The following RORA variants were observed in gnomAD, a reference collection of about 807,000 sequenced individuals.
The protein encoded by RORA is nuclear receptor ROR-alpha.
In RORA, 7 loss-of-function variants were observed where a neutral mutation model predicts 69.5. That is an observed-to-expected ratio of 0.10 (90% CI 0.06 to 0.19). The LOEUF is 0.19. RORA is among the 10% of genes least tolerant of loss of function. The pLI, the probability that RORA is intolerant of heterozygous loss-of-function variation, is 1.00. For missense variants in RORA, 457 were observed against 663.0 expected, an observed-to-expected ratio of 0.69 and a Z score of 3.41; for synonymous variants, 261 against 240.8, an observed-to-expected ratio of 1.08 and a Z score of -0.78.
intron 1 of RORA, among the ~76,000 whole-genome samples, chr15:60,728,259 T>A (rs2071388167): frequency 6.6e-6 from 1 of 152,194 alleles, no homozygotes; most frequent in Admixed American, 6.5e-5. Context: ...TAAAATACTT[T>A]TTTGCTTTGT....
intron 2 of RORA, among the ~76,000 whole-genome samples, chr15:60,590,170 C>CCTCT (rs1426237027): frequency 3.3e-4 from 34 of 101,568 alleles, no homozygotes; most frequent in South Asian, 1.2e-3. Context: ...TCTCCCTCTT[C>CCTCT]CTCTATCTCT....
At chr15:61,024,338 C>A in intron 1 of RORA, among the ~76,000 whole-genome samples, 1 of 126,938 alleles carries the variant, frequency 7.9e-6, no homozygotes, top group South Asian at 2.6e-4. Context: ...CGCTGGAGTG[C>A]AGTGGTTCAG....
chr15:60,832,710 T>C (rs1470310983), intron 1 of RORA, among the ~76,000 whole-genome samples: 1 of 152,104 alleles, frequency 6.6e-6, no homozygotes, highest in African/African-American at 2.4e-5. Flanking sequence ...AATTTAAATA[T>C]GCCAGAGGAA....
intron 1 of RORA, among the ~76,000 whole-genome samples, chr15:61,180,502 A>G (rs2140903556): frequency 6.6e-6 from 1 of 152,290 alleles, no homozygotes; most frequent in Admixed American, 6.5e-5. Flanking sequence ...CACAGTGTTC[A>G]CAACTTTCTA....
intron 2 of RORA, among the ~76,000 whole-genome samples, chr15:60,567,410 A>T (rs948513407): frequency 6.7e-5 from 10 of 148,274 alleles, no homozygotes; most frequent in African/African-American, 2.2e-4. Context: ...TATTATTATT[A>T]TTATTATTTT....
At chr15:61,146,459 T>TAC (rs5813074) in intron 1 of RORA, among the ~76,000 whole-genome samples, 1,731 of 149,718 alleles carry the variant, frequency 0.012, 11 homozygotes, top group Middle Eastern at 0.02. Flanking sequence ...CACATACACA[T>TAC]ACACACACAC....
At chr15:61,060,314 C>T (rs760564411) in intron 1 of RORA, among the ~76,000 whole-genome samples, 4 of 152,176 alleles carry the variant, frequency 2.6e-5, no homozygotes, top group African/African-American at 4.8e-5. Context: ...CTCTTTCCCG[C>T]GTTCCTCTTG....
chr15:60,920,283 C>A (rs982869), intron 1 of RORA, among the ~76,000 whole-genome samples: 1 of 152,152 alleles, frequency 6.6e-6, no homozygotes, highest in African/African-American at 2.4e-5. Context: ...CTAAGTTAAC[C>A]TTTCTCTAAT....
chr15:60,610,198 T>TCACACACA (rs10674463), intron 2 of RORA, among the ~76,000 whole-genome samples: 2,953 of 148,444 alleles, frequency 0.02, 33 homozygotes, highest in African/African-American at 0.03. Flanking sequence ...GTCGTGTAAG[T>TCACACACA]CACACACACA....
chr15:61,129,793 C>T (rs1404808257), intron 1 of RORA, among the ~76,000 whole-genome samples: 1 of 152,128 alleles, frequency 6.6e-6, no homozygotes, highest in Non-Finnish European at 1.5e-5. Flanking sequence ...ATCTTCTGAT[C>T]TTGAGATCTG....
intron 1 of RORA, among the ~76,000 whole-genome samples, chr15:61,121,008 C>T (rs916527155): frequency 1.3e-5 from 2 of 151,716 alleles, no homozygotes; most frequent in Non-Finnish European, 2.9e-5. Flanking sequence ...CCACCACACC[C>T]GGCTAATTTT....
intron 1 of RORA, among the ~76,000 whole-genome samples, chr15:61,054,905 C>T (rs916052472): frequency 1.1e-4 from 17 of 150,934 alleles, no homozygotes; most frequent in African/African-American, 3.2e-4. Flanking sequence ...GGTGAGATCA[C>T]GGCTCCGTGT....
At chr15:61,016,031 G>A (rs1040241481) in intron 1 of RORA, among the ~76,000 whole-genome samples, 6 of 152,192 alleles carry the variant, frequency 3.9e-5, no homozygotes, top group Admixed American at 1.3e-4. Context: ...ACTAGCAGTG[G>A]CAGCCTGGAA....
intron 1 of RORA, among the ~76,000 whole-genome samples, chr15:61,178,918 C>A (rs991993901): frequency 2.0e-5 from 3 of 152,190 alleles, no homozygotes; most frequent in Non-Finnish European, 4.4e-5. Context: ...CTATATCTAA[C>A]CCATTATTTA....
intron 1 of RORA, among the ~76,000 whole-genome samples, chr15:61,169,115 GCCTGACT>G (rs71125906): frequency 0.41 from 61,528 of 151,320 alleles, 13,424 homozygotes; most frequent in Non-Finnish European, 0.49. Context: ...GGCAGGGCTG[GCCTGACT>G]CCTCTGACTG....
intron 1 of RORA, among the ~76,000 whole-genome samples, chr15:60,838,505 C>T (rs1265629376): frequency 6.6e-6 from 1 of 152,198 alleles, no homozygotes; most frequent in African/African-American, 2.4e-5. Flanking sequence ...CACTCTGTCT[C>T]TGTGCAAGAT....
intron 1 of RORA, among the ~76,000 whole-genome samples, chr15:60,941,245 A>G (rs1395117661): frequency 6.6e-6 from 1 of 152,256 alleles, no homozygotes; most frequent in Non-Finnish European, 1.5e-5. Flanking sequence ...TCTAAAAGGC[A>G]CTAAATTGAG....
intron 1 of RORA, among the ~76,000 whole-genome samples, chr15:60,955,328 G>A (rs1320579228): frequency 2.6e-5 from 4 of 152,064 alleles, no homozygotes. Context: ...AAAAATAATT[G>A]TAACGTGTAT....
rs74018201 is a variant in RORA, at chr15:61,043,136, G to T, written c.166+185917C>A. On this transcript the variant is annotated intron_variant, in intron 1 of 10. Transcript: ENST00000335670. The stretch of plus-strand genomic sequence containing the variant: ...TCTAATGCTATCTCAGCCCTAGGTG[G>T]TGGGTGCAATTATCATTCCCATTTT... Among the ~76,000 whole-genome samples the T allele has an allele frequency of 6.8e-3, 1,029 of 152,302 alleles. 16 individuals are homozygous for T. The highest frequency in any genetic ancestry group is 0.024 in the African/African-American group (990 of 41,560).
Sources: allele counts gnomAD v4.1 joint callset (sites outside exome capture counted in the v4.1 genomes callset), GRCh38; gene constraint gnomAD v4.1.1; transcripts MANE v1.5; gene names NCBI Gene and HGNC (gene_info 2026-07-23, HGNC 2026-07-21).